Variants in NF1 observed in about 807,000 individuals in gnomAD.
NF1 encodes the protein neurofibromin 1.
NF1 carries 122 observed loss-of-function variants against 325.7 expected under a neutral mutation model. The ratio of observed to expected loss-of-function variants is 0.37; its 90% CI spans 0.32 to 0.44. NF1 has a LOEUF of 0.44. Among genes scored for constraint, NF1 ranks in the 20% least tolerant of loss-of-function variants. NF1 has a pLI of 1.00. For synonymous variants in NF1, 1,091 were observed against 1,186.0 expected (o/e 0.92, Z 1.65); for missense variants, 2,140 against 3,415.4 (o/e 0.63, Z 9.31).
chr17:31,351,407 T>A (rs965552547), intron 50 of NF1, among the ~76,000 whole-genome samples: 7 of 152,106 alleles, frequency 4.6e-5, no homozygotes, highest in Non-Finnish European at 1.0e-4. Context: ...ATTTTATTTA[T>A]TTTTATTTTT....
intron 1 of NF1, among the ~76,000 whole-genome samples, chr17:31,097,310 T>C (rs1911816772): frequency 6.6e-6 from 1 of 151,794 alleles, no homozygotes; most frequent in African/African-American, 2.4e-5. Flanking sequence ...ATACAAAAAT[T>C]AGCTGGGCAT....
chr17:31,233,292 TTTG>T (rs2067147183), intron 27 of NF1, 79 bp downstream of exon 27: 1 of 1,311,996 alleles, frequency 7.6e-7, no homozygotes, highest in Non-Finnish European at 1.1e-6. Flanking sequence ...TCAATAAATG[TTTG>T]TTGAATGAAT....
At chr17:31,307,942 C>T (rs1567886588) in intron 36 of NF1, 2 of 1,287,358 alleles carry the variant, frequency 1.6e-6, no homozygotes, top group East Asian at 1.1e-4. Context: ...ACTTGGTACA[C>T]AGTGATGATA....
chr17:31,163,423 A>G (rs1026080826), intron 4 of NF1, 47 bp downstream of exon 4: 3 of 1,580,970 alleles, frequency 1.9e-6, no homozygotes, highest in Non-Finnish European at 1.7e-6. Context: ...TATGAATATT[A>G]GAAGTTTTGT....
chr17:31,323,167 C>T (rs2069255155), intron 36 of NF1, among the ~76,000 whole-genome samples: 1 of 151,858 alleles, frequency 6.6e-6, no homozygotes, highest in Non-Finnish European at 1.5e-5. Context: ...GAGGCTGAGG[C>T]GGGAGGATTA....
chr17:31,117,704 G>GA (rs1914069505), intron 1 of NF1, among the ~76,000 whole-genome samples: 1 of 54,416 alleles, frequency 1.8e-5, no homozygotes, highest in Non-Finnish European at 5.3e-5. Context: ...AAAAAAAAAA[G>GA]GAATAGTGAT....
In NF1 at chr17:31,226,456, G is replaced by A. The variant is rs779546178; in HGVS notation, c.2023G>A (p.Gly675Arg). 9 of 1,613,484 alleles carry A rather than the reference G, an allele frequency of 5.6e-6. No homozygotes were observed. In the East Asian group the frequency reaches 1.1e-4, roughly 20 times the overall value. Residue 675 changes from glycine (G) to arginine (R), a missense_variant, in exon 18 of 58, where the codon GGA becomes AGA. Physicochemically the swap from Gly to Arg is moderately radical, Grantham distance 125. Coordinates refer to ENST00000358273, the MANE Select transcript of NF1 (RefSeq NM_001042492.3). The part of the protein sequence containing the change: ...SSMDSAAGCS[G>R]TPPICRQAQT... Reference sequence around the variant, plus strand: ...TCAGGATAGTGCAGCAGGATGCAGCGGAACCCCCCCGATTTGCCGACAAGC... The same window carrying A: ...TCAGGATAGTGCAGCAGGATGCAGCAGAACCCCCCCGATTTGCCGACAAGC...
chr17:31,357,405 G>T (rs769638785), intron 54 of NF1, 36 bp downstream of exon 54: 2 of 1,530,668 alleles, frequency 1.3e-6, no homozygotes. Context: ...TCACCTTCGT[G>T]CCTGTCTTTA....
chr17:31,331,689 C>T (rs1012588298), intron 39 of NF1: 3 of 151,488 alleles, frequency 2.0e-5, no homozygotes, highest in South Asian at 4.2e-4. Context: ...TCGTCTTCAC[C>T]GTACACCATA....
At chr17:31,233,572 T>A (rs1312177138) in intron 27 of NF1, among the ~76,000 whole-genome samples, 2 of 152,232 alleles carry the variant, frequency 1.3e-5, no homozygotes, top group Non-Finnish European at 2.9e-5. Flanking sequence ...TCCAGTTTGC[T>A]ATTCTTTTCC....
At chr17:31,307,678 T>C (rs561506117) in intron 36 of NF1, among the ~76,000 whole-genome samples, 1 of 152,302 alleles carries the variant, frequency 6.6e-6, no homozygotes, top group African/African-American at 2.4e-5. Context: ...TGAGACAATT[T>C]GCAACTTTTG....
At chr17:31,169,032 A>G (rs2065890854) in intron 4 of NF1, among the ~76,000 whole-genome samples, 1 of 152,214 alleles carries the variant, frequency 6.6e-6, no homozygotes, top group African/African-American at 2.4e-5. Context: ...GTACCCTAAC[A>G]GTTGCGAAAG....
intron 29 of NF1, 141 bp from the exon 30 acceptor site, chr17:31,248,843 T>A (rs1597734844): frequency 2.6e-6 from 2 of 776,654 alleles, no homozygotes. Context: ...TTTTTTTTTT[T>A]ATAGTTGGTT....
chr17:31,341,832 T>A (rs891374060), intron 47 of NF1, among the ~76,000 whole-genome samples: 5 of 151,826 alleles, frequency 3.3e-5, no homozygotes, highest in African/African-American at 1.2e-4. Flanking sequence ...GAGGAGAGAA[T>A]AAAATAGTAT....
intron 1 of NF1, among the ~76,000 whole-genome samples, chr17:31,127,589 T>C (rs1914991886): frequency 6.6e-6 from 1 of 151,392 alleles, no homozygotes; most frequent in Non-Finnish European, 1.5e-5. Flanking sequence ...ATTTTGTCTT[T>C]ATACTTTTTT....
rs145126193 is a variant in NF1 at position 31,233,141 on chromosome 17, C to A, written c.3636C>A (p.Val1212=). ...ADRFERLVEL[V]TMMGDQGELP... The stretch of plus-strand genomic sequence containing the variant: ...GGTTTGAGAGATTGGTGGAACTGGT[C>A]ACAATGATGGGTGATCAAGGAGAAC... The change falls in exon 27 of 58, where the codon GTC becomes GTA. Residue 1212 remains valine (V), a synonymous_variant. Coordinates refer to ENST00000358273, the MANE Select transcript of NF1 (RefSeq NM_001042492.3). 161 of 1,613,988 alleles carry A rather than the reference C, an allele frequency of 1.0e-4. No homozygotes were observed. Among genetic ancestry groups the A allele is most frequent in the Non-Finnish European group, 1.3e-4 (152 of 1,180,024 alleles).
At chr17:31,174,880 G>A (rs1270421288) in intron 5 of NF1, among the ~76,000 whole-genome samples, 4 of 152,130 alleles carry the variant, frequency 2.6e-5, no homozygotes, top group Admixed American at 6.5e-5. Flanking sequence ...GGAGGCCTAC[G>A]TGGGCGGATC....
At chr17:31,168,026 G>C (rs923483208) in intron 4 of NF1, among the ~76,000 whole-genome samples, 1 of 152,048 alleles carries the variant, frequency 6.6e-6, no homozygotes, top group African/African-American at 2.4e-5. Flanking sequence ...TTTCATTCGT[G>C]TTTCAAAAAT....
chr17:31,376,853 G>A lies in NF1; in HGVS notation c.*2698G>A, dbSNP rs1311184037. ...GGGGCATGCCCTTAGTTGCCCAGAT[G>A]GAGATGCAGTTCAGTAGATTTGGGG... is the stretch of plus-strand genomic sequence containing the variant. On this transcript the variant is annotated 3_prime_UTR_variant, in exon 58 of 58. Transcript: ENST00000358273. 6 of 233,118 alleles carry A rather than the reference G, an allele frequency of 2.6e-5. No homozygotes were observed. Among genetic ancestry groups the A allele is most frequent in the Non-Finnish European group, 5.1e-5 (6 of 118,024 alleles). The allele number at this position is 233,118 out of a possible 1,614,324, so 14.4% of individuals were successfully genotyped here. A position where few individuals can be genotyped will look rare whatever the true frequency, so the allele number is the denominator to read the frequency against.
Sources: allele counts gnomAD v4.1 joint callset (sites outside exome capture counted in the v4.1 genomes callset), GRCh38; gene constraint gnomAD v4.1.1; transcripts MANE v1.5; gene names NCBI Gene and HGNC (gene_info 2026-07-23, HGNC 2026-07-21).